Variants in SERGEF observed in about 807,000 individuals in gnomAD.
The protein encoded by SERGEF is secretion-regulating guanine nucleotide exchange factor.
Under a neutral mutation model 50.0 loss-of-function variants are expected in SERGEF, and 51 were observed. The observed-to-expected ratio is 1.02, with a 90% CI of 0.81 to 1.29. The LOEUF is 1.29. SERGEF is among the 50% of genes most tolerant of loss of function. The probability of loss-of-function intolerance (pLI) is 0.00; values close to 1 mark genes in which losing one functional copy is unlikely to be tolerated. For missense variants in SERGEF, 521 were observed against 557.0 expected (o/e 0.94, Z 0.65); for synonymous variants, 205 against 212.4 (o/e 0.97, Z 0.30).
intron 10 of SERGEF, among the ~76,000 whole-genome samples, chr11:17,870,757 TAGAC>T (rs1161847649): frequency 2.6e-5 from 4 of 151,990 alleles, no homozygotes; most frequent in East Asian, 1.9e-4. Flanking sequence ...TAACTAAAAT[TAGAC>T]AGATTAAAAA....
At chr11:17,938,188 C>T (rs1852492156) in intron 9 of SERGEF, among the ~76,000 whole-genome samples, 1 of 152,166 alleles carries the variant, frequency 6.6e-6, no homozygotes, top group African/African-American at 2.4e-5. Flanking sequence ...CTTCACTTTG[C>T]AGCTGTGGTC....
At chr11:17,892,210 G>A (rs1427441682) in intron 9 of SERGEF, among the ~76,000 whole-genome samples, 3 of 152,124 alleles carry the variant, frequency 2.0e-5, no homozygotes, top group African/African-American at 7.2e-5. Context: ...CACATCCTTT[G>A]CCATGAATTG....
chr11:17,849,865 C>T (rs1289322184), intron 10 of SERGEF, among the ~76,000 whole-genome samples: 1 of 152,170 alleles, frequency 6.6e-6, no homozygotes, highest in Non-Finnish European at 1.5e-5. Flanking sequence ...ATGTTTTTTT[C>T]TGCTTTACTA....
At chr11:17,921,215 T>C (rs906640957) in intron 9 of SERGEF, among the ~76,000 whole-genome samples, 1 of 152,228 alleles carries the variant, frequency 6.6e-6, no homozygotes, top group Non-Finnish European at 1.5e-5. Context: ...ACTGTGAAAC[T>C]GCAAAATTAA....
chr11:18,010,118 A>T, intron 1 of SERGEF: 1 of 1,260,226 alleles, frequency 7.9e-7, no homozygotes, highest in Non-Finnish European at 1.0e-6. Flanking sequence ...AATCTTTTAA[A>T]TATGTTTGTT....
At chr11:17,912,962 T>C (rs1039793872) in intron 9 of SERGEF, among the ~76,000 whole-genome samples, 1 of 152,248 alleles carries the variant, frequency 6.6e-6, no homozygotes, top group Non-Finnish European at 1.5e-5. Context: ...GAGATTCCAA[T>C]GAGATAATGG....
chr11:17,985,387 A>G (rs1853573368), intron 8 of SERGEF, among the ~76,000 whole-genome samples: 1 of 152,168 alleles, frequency 6.6e-6, no homozygotes, highest in African/African-American at 2.4e-5. Context: ...AAAGTGACTT[A>G]ATCAAGGTCA....
intron 10 of SERGEF, among the ~76,000 whole-genome samples, chr11:17,795,787 G>A (rs766665310): frequency 6.6e-5 from 10 of 152,210 alleles, no homozygotes; most frequent in Admixed American, 5.9e-4. Context: ...TGCCCTCAGG[G>A]TCCCCATCCA....
At chr11:17,943,796 G>A (rs946063326) in intron 9 of SERGEF, among the ~76,000 whole-genome samples, 2 of 152,136 alleles carry the variant, frequency 1.3e-5, no homozygotes, top group African/African-American at 4.8e-5. Flanking sequence ...TTATTTTGAA[G>A]TAAATTCAAA....
chr11:17,915,333 C>G (rs1852029799), intron 9 of SERGEF, among the ~76,000 whole-genome samples: 1 of 152,170 alleles, frequency 6.6e-6, no homozygotes, highest in Non-Finnish European at 1.5e-5. Flanking sequence ...TAGGTCATCA[C>G]AAGATCACAG....
At chr11:17,843,167 C>T (rs1006141249) in intron 10 of SERGEF, among the ~76,000 whole-genome samples, 4 of 152,124 alleles carry the variant, frequency 2.6e-5, no homozygotes, top group Non-Finnish European at 4.4e-5. Flanking sequence ...TGGGGATCCA[C>T]CAAGATGCCT....
chr11:17,982,681 T>A (rs1853517183), intron 8 of SERGEF, among the ~76,000 whole-genome samples: 1 of 152,234 alleles, frequency 6.6e-6, no homozygotes, highest in African/African-American at 2.4e-5. Context: ...ATTTATAAAC[T>A]CAGTTTAGTG....
chr11:17,974,272 G>A (rs1360139653), intron 8 of SERGEF, among the ~76,000 whole-genome samples: 2 of 152,140 alleles, frequency 1.3e-5, no homozygotes, highest in Non-Finnish European at 2.9e-5. Context: ...TCACCAATGT[G>A]ACCTTTTGTA....
intron 10 of SERGEF, among the ~76,000 whole-genome samples, chr11:17,870,838 T>C (rs577862219): frequency 6.6e-6 from 1 of 152,260 alleles, no homozygotes; most frequent in East Asian, 1.9e-4. Flanking sequence ...AGATTTATTA[T>C]AAAGCTACAA....
intron 8 of SERGEF, among the ~76,000 whole-genome samples, chr11:17,971,963 G>C (rs573518539): frequency 2.8e-4 from 42 of 152,226 alleles, no homozygotes; most frequent in Non-Finnish European, 5.1e-4. Context: ...GGGATTCAAG[G>C]CTTCAGTGGA....
intron 3 of SERGEF, among the ~76,000 whole-genome samples, chr11:18,005,639 A>G (rs1405678101): frequency 1.3e-5 from 2 of 152,170 alleles, no homozygotes; most frequent in Non-Finnish European, 2.9e-5. Flanking sequence ...GAAACCACAG[A>G]TGGTCCTTTA....
chr11:18,006,318 G>A (rs919602872), intron 3 of SERGEF, among the ~76,000 whole-genome samples: 1 of 152,062 alleles, frequency 6.6e-6, no homozygotes, highest in African/African-American at 2.4e-5. Context: ...TGGGACTATA[G>A]GCATGGGGTA....
chr11:17,931,964 G>A (rs1852360666), intron 9 of SERGEF, among the ~76,000 whole-genome samples: 1 of 152,096 alleles, frequency 6.6e-6, no homozygotes, highest in Non-Finnish European at 1.5e-5. Flanking sequence ...AGTAAAAACA[G>A]TAGAAAACTA....
chr11:17,858,279 C>G (rs1403147108), intron 10 of SERGEF, among the ~76,000 whole-genome samples: 1 of 152,038 alleles, frequency 6.6e-6, no homozygotes, highest in Non-Finnish European at 1.5e-5. Flanking sequence ...CGAAACTGAC[C>G]CAGGGCAGCC....
Sources: gnomAD v4.1 joint callset for allele counts (sites outside exome capture counted in the v4.1 genomes callset) on GRCh38, gnomAD v4.1.1 for gene constraint, MANE v1.5 for transcripts, NCBI Gene and HGNC (gene_info 2026-07-23, HGNC 2026-07-21) for gene names.